ASIC2: variants seen among roughly 807,000 people sequenced by gnomAD.
ASIC2 encodes the protein acid sensing ion channel subunit 2, also known as acid-sensing ion channel 2.
In ASIC2, 25 loss-of-function variants were observed where a neutral mutation model predicts 57.3. The ratio of observed to expected loss-of-function variants is 0.44; its 90% CI spans 0.32 to 0.61. The LOEUF (loss-of-function observed/expected upper bound fraction) is 0.61, where lower values mean the gene tolerates loss of function less well. Ranked by LOEUF, ASIC2 falls within the 20% of genes least tolerant of loss-of-function variation. ASIC2 has a pLI of 0.06. For missense variants in ASIC2, 641 were observed against 738.1 expected, an observed-to-expected ratio of 0.87 and a Z score of 1.52; for synonymous variants, 319 against 307.5, an observed-to-expected ratio of 1.04 and a Z score of -0.39.
intron 3 of ASIC2, among the ~76,000 whole-genome samples, chr17:33,062,404 T>G (rs1284934165): frequency 3.3e-5 from 5 of 152,232 alleles, no homozygotes; most frequent in Admixed American, 6.5e-5. Flanking sequence ...TATTTCTGCC[T>G]TCATTTCGTT....
At chr17:33,762,365 G>A (rs2142113463) in intron 1 of ASIC2, among the ~76,000 whole-genome samples, 1 of 152,272 alleles carries the variant, frequency 6.6e-6, no homozygotes, top group East Asian at 1.9e-4. Flanking sequence ...ATTTGAATAA[G>A]GGGGAAGGAG....
intron 1 of ASIC2, among the ~76,000 whole-genome samples, chr17:33,327,204 C>A (rs1364522339): frequency 6.6e-6 from 1 of 152,214 alleles, no homozygotes; most frequent in African/African-American, 2.4e-5. Context: ...AGCCTCCTTC[C>A]TTTCCAATTA....
chr17:33,385,976 G>A (rs1439049196), intron 1 of ASIC2, among the ~76,000 whole-genome samples: 3 of 152,188 alleles, frequency 2.0e-5, no homozygotes, highest in Admixed American at 6.5e-5. Flanking sequence ...CCCTCGCAGA[G>A]ATAATGACAC....
At chr17:33,894,106 G>C (rs1021979955) in intron 1 of ASIC2, among the ~76,000 whole-genome samples, 1 of 152,156 alleles carries the variant, frequency 6.6e-6, no homozygotes, top group African/African-American at 2.4e-5. Context: ...TTTTTGCTGG[G>C]GAATGGAAAA....
chr17:33,983,668 A>G (rs1191360245), intron 1 of ASIC2, among the ~76,000 whole-genome samples: 1 of 152,102 alleles, frequency 6.6e-6, no homozygotes, highest in Non-Finnish European at 1.5e-5. Context: ...ACCCTGGTGC[A>G]TTTTGCTTGG....
At chr17:34,069,310 C>CTT (rs1286909539) in intron 1 of ASIC2, 3 of 39,026 alleles carry the variant, frequency 7.7e-5, no homozygotes, top group Non-Finnish European at 1.2e-4. Context: ...TCCTTCCTTC[C>CTT]TTTCTTCCTT....
chr17:33,515,833 C>A (rs1009097948), intron 1 of ASIC2, among the ~76,000 whole-genome samples: 7 of 152,170 alleles, frequency 4.6e-5, no homozygotes, highest in Middle Eastern at 3.2e-3. Context: ...CGGTGGCTCA[C>A]GCCTGTAATC....
intron 1 of ASIC2, among the ~76,000 whole-genome samples, chr17:33,677,136 T>TG (rs146348826): frequency 0.022 from 3,284 of 152,312 alleles, 116 homozygotes; most frequent in African/African-American, 0.073. Flanking sequence ...TTGGTAGCAA[T>TG]GCAAGAACAG....
At chr17:33,218,112 G>A (rs1160570235) in intron 1 of ASIC2, among the ~76,000 whole-genome samples, 7 of 152,238 alleles carry the variant, frequency 4.6e-5, no homozygotes, top group African/African-American at 1.7e-4. Context: ...GCTTTTAAAT[G>A]TTTTTATTTA....
chr17:33,235,174 C>T (rs1220649895), intron 1 of ASIC2, among the ~76,000 whole-genome samples: 1 of 152,208 alleles, frequency 6.6e-6, no homozygotes, highest in East Asian at 1.9e-4. Context: ...GCCACAGTGG[C>T]TCATACATCT....
rs567479796 is a variant in ASIC2 at position 33,914,182 on chromosome 17, C to T, written c.555+241796G>A. Among the ~76,000 whole-genome samples the T allele has an allele frequency of 2.3e-4, 35 of 152,274 alleles. 1 individual carries two copies. The South Asian group carries it at 6.6e-3, about 29-fold the overall frequency. On this transcript the variant is annotated intron_variant, in intron 1 of 9. Transcript: ENST00000359872. ...ATCTCACAAGATGATGCTGGAGAGG[C>T]CATATAGGACATCTACATTGCAAAC...
intron 1 of ASIC2, among the ~76,000 whole-genome samples, chr17:33,819,342 A>G (rs1368853925): frequency 1.3e-5 from 2 of 152,232 alleles, no homozygotes; most frequent in Non-Finnish European, 2.9e-5. Flanking sequence ...CTGCCTAATG[A>G]ACATAGCTCA....
chr17:33,602,081 CA>C (rs1905126774), intron 1 of ASIC2, among the ~76,000 whole-genome samples: 2 of 152,132 alleles, frequency 1.3e-5, no homozygotes, highest in South Asian at 4.2e-4. Context: ...TATCTCAGGA[CA>C]AATCCTTGGG....
intron 1 of ASIC2, among the ~76,000 whole-genome samples, chr17:33,462,506 G>A (rs1277911242): frequency 6.6e-6 from 1 of 152,198 alleles, no homozygotes; most frequent in Non-Finnish European, 1.5e-5. Context: ...GGGGCCCCAG[G>A]ATGACTCTGT....
intron 2 of ASIC2, among the ~76,000 whole-genome samples, chr17:33,090,868 A>G (rs1161583803): frequency 6.6e-6 from 1 of 152,242 alleles, no homozygotes; most frequent in Non-Finnish European, 1.5e-5. Flanking sequence ...CAGGGCTTTC[A>G]TCATTTAGAC....
At chr17:33,876,455 C>T (rs446969) in intron 1 of ASIC2, among the ~76,000 whole-genome samples, 41,279 of 152,076 alleles carry the variant, frequency 0.27, 5,804 homozygotes, top group Middle Eastern at 0.36. Flanking sequence ...AAAAATAACT[C>T]TAACAAAACA....
At chr17:34,105,049 C>T (rs556246326) in intron 1 of ASIC2, among the ~76,000 whole-genome samples, 1 of 151,968 alleles carries the variant, frequency 6.6e-6, no homozygotes, top group East Asian at 1.9e-4. Context: ...CTAGAATTCA[C>T]CTGTGAAGGC....
At chr17:33,363,446 G>A (rs1042668956) in intron 1 of ASIC2, among the ~76,000 whole-genome samples, 3 of 152,232 alleles carry the variant, frequency 2.0e-5, no homozygotes, top group Admixed American at 6.5e-5. Context: ...ATAAAACTGA[G>A]GTGACTCATA....
At chr17:33,783,563 A>G (rs1369849385) in intron 1 of ASIC2, among the ~76,000 whole-genome samples, 9 of 152,236 alleles carry the variant, frequency 5.9e-5, no homozygotes, top group Admixed American at 4.6e-4. Flanking sequence ...GCAGAGCTCC[A>G]GGGTTGCCTG....
Sources: gnomAD v4.1 joint callset for allele counts (sites outside exome capture counted in the v4.1 genomes callset) on GRCh38, gnomAD v4.1.1 for gene constraint, MANE v1.5 for transcripts, NCBI Gene and HGNC (gene_info 2026-07-23, HGNC 2026-07-21) for gene names.